The following CCN6 variants were observed in gnomAD, a reference collection of about 807,000 sequenced individuals.
CCN6 encodes cellular communication network factor 6.
A neutral mutation model predicts 37.4 loss-of-function variants in CCN6; 31 were observed. The observed-to-expected ratio is 0.83, with a 90% confidence interval of 0.62 to 1.12. The LOEUF (loss-of-function observed/expected upper bound fraction) is 1.12, where lower values mean the gene tolerates loss of function less well. Ranked by LOEUF, CCN6 falls within the 50% of genes most tolerant of loss-of-function variation. The pLI, the probability that CCN6 is intolerant of heterozygous loss-of-function variation, is 0.00. For missense variants in CCN6, 369 were observed against 413.8 expected, an observed-to-expected ratio of 0.89 and a Z score of 0.94; for synonymous variants, 137 against 142.1, an observed-to-expected ratio of 0.96 and a Z score of 0.26.
intron 1 of CCN6, among the ~76,000 whole-genome samples, chr6:112,058,343 A>G (rs1349233836): frequency 6.6e-6 from 1 of 152,224 alleles, no homozygotes; most frequent in Non-Finnish European, 1.5e-5. Flanking sequence ...TAAATGTAGA[A>G]TTTTTGAGCT....
At chr6:112,060,938 A>G in intron 1 of CCN6, 53 bp from the exon 2 acceptor site, 1 of 1,605,328 alleles carries the variant, frequency 6.2e-7, no homozygotes, top group Admixed American at 1.7e-5. Flanking sequence ...TATTCCTGTT[A>G]TACTATTACA....
intron 1 of CCN6, chr6:112,054,838 G>T (rs1185004763): frequency 4.5e-6 from 1 of 220,472 alleles, no homozygotes; most frequent in East Asian, 1.1e-4. Flanking sequence ...TTCCAGTTAA[G>T]TCTGTCCTTC....
chr6:112,056,979 C>T (rs1232456386), intron 1 of CCN6, among the ~76,000 whole-genome samples: 1 of 152,092 alleles, frequency 6.6e-6, no homozygotes, highest in Non-Finnish European at 1.5e-5. Flanking sequence ...ATGCTTTTCT[C>T]AGTCTACTGT....
chr6:112,067,139 C>T (rs1258202825), intron 3 of CCN6: 2 of 811,898 alleles, frequency 2.5e-6, no homozygotes, highest in Non-Finnish European at 3.4e-6. Flanking sequence ...AAATAGAGCA[C>T]ATACTTTAAA....
intron 3 of CCN6, chr6:112,066,922 G>A: frequency 7.6e-7 from 1 of 1,312,268 alleles, no homozygotes; most frequent in Non-Finnish European, 1.0e-6. Flanking sequence ...TTTAACAAGT[G>A]GGATTACTGG....
chr6:112,059,533 C>A (rs1413909600), intron 1 of CCN6, among the ~76,000 whole-genome samples: 1 of 152,178 alleles, frequency 6.6e-6, no homozygotes, highest in African/African-American at 2.4e-5. Flanking sequence ...CCTCCTTCCC[C>A]AGTGGACCCA....
intron 1 of CCN6, among the ~76,000 whole-genome samples, chr6:112,056,350 A>G (rs1346118493): frequency 2.6e-5 from 4 of 152,132 alleles, no homozygotes; most frequent in South Asian, 2.1e-4. Context: ...TTCACTGGCT[A>G]TATAATTCTG....
chr6:112,060,977 A>G lies in CCN6; in HGVS notation c.49-14A>G. ...AGAAGCTATTTCTAACATCACCTTT[A>G]TTATCAAATGAAGTTCTGCTGCAGG... On this transcript the variant is annotated splice_polypyrimidine_tract_variant and intron_variant, in intron 1 of 4. Transcript: ENST00000368666. The G allele has an allele frequency of 6.2e-7, 1 of 1,613,848 alleles. No individual in the cohort carries two copies. The highest frequency in any genetic ancestry group is 2.2e-5 in the East Asian group (1 of 44,886).
rs781883423 is a variant in CCN6, at chr6:112,054,372, C to A, written c.15C>A (p.Leu5=). 13 of 1,613,880 alleles carry A rather than the reference C, an allele frequency of 8.1e-6. No homozygotes were observed. The East Asian group carries it at 2.9e-4, about 36-fold the overall frequency. Residue 5 remains leucine, a synonymous_variant, in exon 1 of 5, where the codon CTC becomes CTA. Coordinates refer to ENST00000368666, the MANE Select transcript of CCN6 (RefSeq NM_198239.2). ...GTCCCAGCGACATGCAGGGGCTCCT[C>A]TTCTCCACTCTTCTGCTTGCTGGCC... MQGL[L]FSTLLLAGLA...
At chr6:112,061,422 G>T in intron 2 of CCN6, 134 bp downstream of exon 2, 2 of 1,094,456 alleles carry the variant, frequency 1.8e-6, no homozygotes, top group South Asian at 2.7e-5. Flanking sequence ...TGCACCAGTG[G>T]GACTGGCTCC....
intron 3 of CCN6, among the ~76,000 whole-genome samples, chr6:112,067,444 CCCT>C (rs1426813517): frequency 6.6e-6 from 1 of 152,094 alleles, no homozygotes; most frequent in East Asian, 1.9e-4. Flanking sequence ...TTCTCTCTTC[CCCT>C]CCTATTTCTC....
chr6:112,064,768 T>C lies in CCN6; in HGVS notation c.360T>C (p.Val120=), dbSNP rs1209469509. Residue 120 remains valine (V), a synonymous_variant, in exon 3 of 5, where the codon GTT becomes GTC. Transcript: ENST00000368666. ...ETGVCAYLVA[V]GCEFNQVHYH... ...TTCTCTTTTCAGACCTTGTAGCTGT[T>C]GGGTGCGAGTTCAACCAGGTACATT... 6.2e-7 allele frequency: 1 copy of C among 1,613,944 alleles called. No individual in the cohort carries two copies. Among genetic ancestry groups the C allele is most frequent in the African/African-American group, 1.3e-5 (1 of 74,916 alleles).
intron 1 of CCN6, chr6:112,059,873 C>T (rs1776458425): frequency 1.7e-6 from 2 of 1,156,028 alleles, no homozygotes; most frequent in South Asian, 3.0e-5. Flanking sequence ...AAGTAAACAA[C>T]TGAAATGTGT....
At chr6:112,065,136 TA>T in intron 3 of CCN6, 139 bp downstream of exon 3, 1 of 1,359,822 alleles carries the variant, frequency 7.4e-7, no homozygotes, top group Non-Finnish European at 1.0e-6. Flanking sequence ...TCATTTTACT[TA>T]ATCTTTGCCT....
Position 112,061,017 on chromosome 6 carries a change from A to G in CCN6, c.75A>G (p.Gly25=), listed in dbSNP as rs1489899259. ...TCTGCTGCAGGGTACAGGGCACTGGACCATTAGATACAACACCTGAAGGAA... is the reference window on the plus strand; with the variant it reads ...TCTGCTGCAGGGTACAGGGCACTGGGCCATTAGATACAACACCTGAAGGAA... ...AQFCCRVQGT[G]PLDTTPEGRP... The change falls in exon 2 of 5, where the codon GGA becomes GGG. Residue 25 remains glycine (G), a synonymous_variant. Coordinates refer to ENST00000368666, the MANE Select transcript of CCN6 (RefSeq NM_198239.2). The G allele has an allele frequency of 3.7e-6, 6 of 1,614,140 alleles. No homozygotes were observed. Among genetic ancestry groups the G allele is most frequent in the Admixed American group, 1.7e-5 (1 of 60,004 alleles).
Position 112,065,019 on chromosome 6 carries a change from T to C in CCN6, c.589+22T>C, listed in dbSNP as rs1001698785. The C allele has an allele frequency of 1.9e-6, 3 of 1,613,802 alleles. No homozygotes were observed. In the East Asian group the frequency reaches 6.7e-5, roughly 36 times the overall value. On this transcript the variant is annotated intron_variant, in intron 3 of 4. Transcript: ENST00000368666. ...CCAGGTGCTCAGAAGTAGAGCTATT[T>C]TTCACGTATGACCTTGGTGGTATTC...
chr6:112,061,337 A>T (rs1168774569), intron 2 of CCN6, 49 bp downstream of exon 2: 13 of 1,609,178 alleles, frequency 8.1e-6, no homozygotes, highest in Non-Finnish European at 1.1e-5. Context: ...TCTAGACAGA[A>T]TTTTTTTTTC....
intron 1 of CCN6, among the ~76,000 whole-genome samples, chr6:112,056,377 T>C (rs1334685315): frequency 1.3e-5 from 2 of 152,222 alleles, no homozygotes; most frequent in African/African-American, 4.8e-5. Context: ...CAGGATTTTT[T>C]TTTTTCTCCG....
At chr6:112,055,226 AT>A (rs1206875914) in intron 1 of CCN6, among the ~76,000 whole-genome samples, 2 of 152,126 alleles carry the variant, frequency 1.3e-5, no homozygotes, top group Non-Finnish European at 2.9e-5. Flanking sequence ...ATAGAGAGAG[AT>A]TTACGATTTC....
Sources: gnomAD v4.1 joint callset for allele counts (sites outside exome capture counted in the v4.1 genomes callset) on GRCh38, gnomAD v4.1.1 for gene constraint, MANE v1.5 for transcripts, NCBI Gene and HGNC (gene_info 2026-07-23, HGNC 2026-07-21) for gene names.